IFITM1: variants seen among roughly 807,000 people sequenced by gnomAD.
The protein encoded by IFITM1 is interferon induced transmembrane protein 1.
Under a neutral mutation model 4.0 loss-of-function variants are expected in IFITM1, and 1 was observed. That is an observed-to-expected ratio of 0.25 (90% CI 0.09 to 1.18). The LOEUF is 1.18. Among genes scored for constraint, IFITM1 ranks in the 50% most tolerant of loss-of-function variants. The pLI, the probability that IFITM1 is intolerant of heterozygous loss-of-function variation, is 0.50. For synonymous variants in IFITM1, 79 were observed against 69.7 expected (o/e 1.13, Z -0.67); for missense variants, 131 against 163.2 (o/e 0.80, Z 1.08).
chr11:314,138 T>C lies in IFITM1; in HGVS notation c.-33T>C. 6.2e-7 allele frequency: 1 copy of C among 1,607,204 alleles called. No individual in the cohort carries two copies. Among genetic ancestry groups the C allele is most frequent in the Non-Finnish European group, 8.5e-7 (1 of 1,174,362 alleles). On this transcript the variant is annotated 5_prime_UTR_variant, in exon 1 of 2. Coordinates refer to ENST00000408968, the MANE Select transcript of IFITM1 (RefSeq NM_003641.5). The surrounding 1 kb of genome is among the most constrained non-coding windows in gnomAD (Gnocchi z 4.5). ...CGCAGAAAACCACACTTCTCAAACC[T>C]TCACTCAACACTTCCTTCCCCAAAG...
In IFITM1 at chr11:314,249, A is replaced by T; in HGVS notation, c.79A>T (p.Ile27Phe). Residue 27 changes from isoleucine (I) to phenylalanine (F), a missense_variant, in exon 1 of 2, where the codon ATC (isoleucine) becomes TTC (phenylalanine). Physicochemically the swap from Ile to Phe is conservative, Grantham distance 21. Transcript: ENST00000408968. The surrounding 1 kb of genome is among the most constrained non-coding windows in gnomAD (Gnocchi z 4.5). Reference sequence around the variant, plus strand: ...CCTTCCAAGGTCCACCGTGATCAACATCCACAGCGAGACCTCCGTGCCCGA... The same window carrying T: ...CCTTCCAAGGTCCACCGTGATCAACTTCCACAGCGAGACCTCCGTGCCCGA... ...TILPRSTVIN[I>F]HSETSVPDHV... 1.2e-6 allele frequency: 2 copies of T among 1,613,916 alleles called. No homozygotes were observed. Among genetic ancestry groups the T allele is most frequent in the Non-Finnish European group, 1.7e-6 (2 of 1,179,874 alleles).
At position 315,118 on chromosome 11, in the gene IFITM1, C is replaced by T. The variant is rs371250842; in HGVS notation, c.*5C>T. ...CAGGAAAAACGGGGTTACTAGTAGC[C>T]GCCCATAGCCTGCAACCTTTGCACT... On this transcript the variant is annotated 3_prime_UTR_variant, in exon 2 of 2. Transcript: ENST00000408968. 89 of 1,613,544 alleles carry T rather than the reference C, an allele frequency of 5.5e-5. No homozygotes were observed. Among genetic ancestry groups the T allele is most frequent in the South Asian group, 3.6e-4 (33 of 91,048 alleles).
At position 314,807 on chromosome 11, in the gene IFITM1, C is replaced by A. The variant is rs529790951; in HGVS notation, c.187-115C>A. On this transcript the variant is annotated intron_variant, in intron 1 of 1. Transcript: ENST00000408968. This position sits in a 1 kb window ranked among gnomAD's most constrained non-coding sequence, Gnocchi z 4.5. ...CCGAGGCTCCTGGAGAGTCTGAGCC[C>A]GGGTGAGGAAGGGGAGGAGGTGGTC... 107 of 1,481,496 alleles carry A rather than the reference C, an allele frequency of 7.2e-5. 1 individual carries two copies. In the Middle Eastern group the frequency reaches 1.9e-3, roughly 27 times the overall value. 91.8% of individuals were successfully genotyped at this position (1,481,496 alleles called of 1,614,324 possible).
rs147052306 is a variant in IFITM1 at position 314,607 on chromosome 11, T to C, written c.186+251T>C. On this transcript the variant is annotated intron_variant, in intron 1 of 1. Transcript: ENST00000408968. The surrounding 1 kb of genome is among the most constrained non-coding windows in gnomAD (Gnocchi z 4.5). ...GGCTGGCTGGCTCAGAGTCTGTCCC[T>C]GGCTATCCATTAGCCCAGAGCAATT... 0.014 allele frequency among the ~76,000 whole-genome samples: 2,072 copies of C among 152,320 alleles called. 51 individuals are homozygous for C. Among genetic ancestry groups the C allele is most frequent in the African/African-American group, 0.047 (1,945 of 41,568 alleles).
Position 314,093 on chromosome 11 carries a change from C to T in IFITM1, c.-78C>T. On this transcript the variant is annotated 5_prime_UTR_variant, in exon 1 of 2. Coordinates refer to ENST00000408968, the MANE Select transcript of IFITM1 (RefSeq NM_003641.5). This position sits in a 1 kb window ranked among gnomAD's most constrained non-coding sequence, Gnocchi z 4.5. Reference sequence around the variant, plus strand: ...GAGCACCGTCCCAGCATCCGGACACCACAGCGGCCCTTCGCTCCACGCAGA... The same window carrying T: ...GAGCACCGTCCCAGCATCCGGACACTACAGCGGCCCTTCGCTCCACGCAGA... The T allele has an allele frequency of 7.5e-7, 1 of 1,327,144 alleles. No individual in the cohort carries two copies. 82.2% of individuals were successfully genotyped at this position (1,327,144 alleles called of 1,614,324 possible).
chr11:314,453 G>T lies in IFITM1; in HGVS notation c.186+97G>T. 7.2e-7 allele frequency: 1 copy of T among 1,393,254 alleles called. No homozygotes were observed. The highest frequency in any genetic ancestry group is 1.0e-6 in the Non-Finnish European group (1 of 986,976). The allele number at this position is 1,393,254 out of a possible 1,614,324, so 86.3% of individuals were successfully genotyped here. ...GGGGTGGGGACTTGTGTGTCCCTGT[G>T]ACTGTGAGTTTGTGTGCACCTCTGC... On this transcript the variant is annotated intron_variant, in intron 1 of 1. Coordinates refer to ENST00000408968, the MANE Select transcript of IFITM1 (RefSeq NM_003641.5). This position sits in a 1 kb window ranked among gnomAD's most constrained non-coding sequence, Gnocchi z 4.5.
chr11:314,082 C>A lies in IFITM1; in HGVS notation c.-89C>A. On this transcript the variant is annotated 5_prime_UTR_variant, in exon 1 of 2. Coordinates refer to ENST00000408968, the MANE Select transcript of IFITM1 (RefSeq NM_003641.5). This position sits in a 1 kb window ranked among gnomAD's most constrained non-coding sequence, Gnocchi z 4.5. Reference sequence around the variant, plus strand: ...GAGGTCTCACTGAGCACCGTCCCAGCATCCGGACACCACAGCGGCCCTTCG... The same window carrying A: ...GAGGTCTCACTGAGCACCGTCCCAGAATCCGGACACCACAGCGGCCCTTCG... 1 of 1,135,932 alleles carries A rather than the reference C, an allele frequency of 8.8e-7. No individual in the cohort carries two copies. Among genetic ancestry groups the A allele is most frequent in the Non-Finnish European group, 1.3e-6 (1 of 759,466 alleles). The allele number at this position is 1,135,932 out of a possible 1,614,324, so 70.4% of individuals were successfully genotyped here.
rs1228798576 is a variant in IFITM1, at chr11:314,682, C to G, written c.187-240C>G. Among the ~76,000 whole-genome samples, 1 of 152,304 alleles carries G rather than the reference C, an allele frequency of 6.6e-6. No homozygotes were observed. Among genetic ancestry groups the G allele is most frequent in the African/African-American group, 2.4e-5 (1 of 41,568 alleles). ...ACACCCTCACCTTCCAGACTGGCAC[C>G]CAGGCTCTCCCAGAAAGTGAGAAGG... On this transcript the variant is annotated intron_variant, in intron 1 of 1. Transcript: ENST00000408968. The surrounding 1 kb of genome is among the most constrained non-coding windows in gnomAD (Gnocchi z 4.5).
Position 314,857 on chromosome 11 carries a change from C to T in IFITM1, c.187-65C>T, listed in dbSNP as rs1013753204. On this transcript the variant is annotated intron_variant, in intron 1 of 1. Coordinates refer to ENST00000408968, the MANE Select transcript of IFITM1 (RefSeq NM_003641.5). This position sits in a 1 kb window ranked among gnomAD's most constrained non-coding sequence, Gnocchi z 4.5. ...CCCTGATCTCAGGGCGGGGAGGAGA[C>T]GGAGCCATAGCACGCGGCTCTCAGC... 6.1e-5 allele frequency: 98 copies of T among 1,602,874 alleles called. No homozygotes were observed. The highest frequency in any genetic ancestry group is 5.9e-4 in the Admixed American group (35 of 59,166).
At position 314,075 on chromosome 11, in the gene IFITM1, G is replaced by C. The variant is rs953155211; in HGVS notation, c.-96G>C. On this transcript the variant is annotated 5_prime_UTR_variant, in exon 1 of 2. Transcript: ENST00000408968. This position sits in a 1 kb window ranked among gnomAD's most constrained non-coding sequence, Gnocchi z 4.5. ...GGGAAAGGAGGTCTCACTGAGCACC[G>C]TCCCAGCATCCGGACACCACAGCGG... 6.6e-6 allele frequency: 7 copies of C among 1,053,082 alleles called. No homozygotes were observed. The highest frequency in any genetic ancestry group is 4.1e-5 in the South Asian group (3 of 73,252). The allele number at this position is 1,053,082 out of a possible 1,614,324, so 65.2% of individuals were successfully genotyped here. A position where few individuals can be genotyped will look rare whatever the true frequency, so the allele number is the denominator to read the frequency against.
rs1261332030 is a variant in IFITM1, at chr11:315,135, C to A, written c.*22C>A. 2.5e-6 allele frequency: 4 copies of A among 1,611,110 alleles called. No homozygotes were observed. Among genetic ancestry groups the A allele is most frequent in the South Asian group, 2.2e-5 (2 of 90,828 alleles). On this transcript the variant is annotated 3_prime_UTR_variant, in exon 2 of 2. Transcript: ENST00000408968. Reference sequence around the variant, plus strand: ...CTAGTAGCCGCCCATAGCCTGCAACCTTTGCACTCCACTGTGCAATGCTGG... The same window carrying A: ...CTAGTAGCCGCCCATAGCCTGCAACATTTGCACTCCACTGTGCAATGCTGG...
In IFITM1 at chr11:315,104, GGGTTAC is replaced by G. The variant is rs1564850314; in HGVS notation, c.370_375del (p.Gly124_Tyr125del). On this transcript the variant is annotated inframe_deletion, in exon 2 of 2. Transcript: ENST00000408968. ...TGTTACAGATAATACAGGAAAAACG[GGGTTAC>G]TAGTAGCCGCCCATAGCCTGCAACC... 1 of 1,614,008 alleles carries G rather than the reference GGGTTAC, an allele frequency of 6.2e-7. No individual in the cohort carries two copies. Among genetic ancestry groups the G allele is most frequent in the East Asian group, 2.2e-5 (1 of 44,886 alleles).
chr11:314,373 C>A lies in IFITM1; in HGVS notation c.186+17C>A, dbSNP rs766782663. On this transcript the variant is annotated intron_variant, in intron 1 of 1. Transcript: ENST00000408968. This position sits in a 1 kb window ranked among gnomAD's most constrained non-coding sequence, Gnocchi z 4.5. ...TCCGTGAAGGTGCGTATGGCCCTGG[C>A]GGAAATCCAGGGGGTGCCGGTGAGC... 3 of 1,612,876 alleles carry A rather than the reference C, an allele frequency of 1.9e-6. No homozygotes were observed. The highest frequency in any genetic ancestry group is 2.5e-6 in the Non-Finnish European group (3 of 1,179,106).
At position 314,185 on chromosome 11, in the gene IFITM1, A is replaced by T; in HGVS notation, c.15A>T (p.Glu5Asp). ...AAAGCCAGAAGATGCACAAGGAGGA[A>T]CATGAGGTGGCTGTGCTGGGGCCAC... MHKE[E>D]HEVAVLGPPP... Residue 5 changes from glutamate (E) to aspartate (D), a missense_variant, in exon 1 of 2, where the codon GAA (glutamate) becomes GAT (aspartate). Physicochemically the swap from Glu to Asp is conservative, Grantham distance 45. Transcript: ENST00000408968. The surrounding 1 kb of genome is among the most constrained non-coding windows in gnomAD (Gnocchi z 4.5). 6.2e-7 allele frequency: 1 copy of T among 1,613,898 alleles called. No homozygotes were observed. Among genetic ancestry groups the T allele is most frequent in the Non-Finnish European group, 8.5e-7 (1 of 1,179,836 alleles).
rs1202464705 is a variant in IFITM1, at chr11:314,699, G to A, written c.187-223G>A. Among the ~76,000 whole-genome samples, 2 of 152,204 alleles carry A rather than the reference G, an allele frequency of 1.3e-5. No homozygotes were observed. Among genetic ancestry groups the A allele is most frequent in the African/African-American group, 2.4e-5 (1 of 41,468 alleles). Reference sequence around the variant, plus strand: ...ACTGGCACCCAGGCTCTCCCAGAAAGTGAGAAGGGAACTCACAGGTGACTT... The same window carrying A: ...ACTGGCACCCAGGCTCTCCCAGAAAATGAGAAGGGAACTCACAGGTGACTT... On this transcript the variant is annotated intron_variant, in intron 1 of 1. Coordinates refer to ENST00000408968, the MANE Select transcript of IFITM1 (RefSeq NM_003641.5). This position sits in a 1 kb window ranked among gnomAD's most constrained non-coding sequence, Gnocchi z 4.5.
Position 314,652 on chromosome 11 carries a change from A to G in IFITM1, c.187-270A>G, listed in dbSNP as rs543825536. On this transcript the variant is annotated intron_variant, in intron 1 of 1. Coordinates refer to ENST00000408968, the MANE Select transcript of IFITM1 (RefSeq NM_003641.5). The surrounding 1 kb of genome is among the most constrained non-coding windows in gnomAD (Gnocchi z 4.5). ...GCAATTCTCCCTATAGCCCAGTAAGAAATTACACCCTCACCTTCCAGACTG... is the reference window on the plus strand; with the variant it reads ...GCAATTCTCCCTATAGCCCAGTAAGGAATTACACCCTCACCTTCCAGACTG... Among the ~76,000 whole-genome samples the G allele has an allele frequency of 3.3e-5, 5 of 152,290 alleles. No homozygotes were observed. In the South Asian group the frequency reaches 1.0e-3, roughly 32 times the overall value.
rs1846029557 is a variant in IFITM1 at position 314,052 on chromosome 11, G to T, written c.-119G>T. 2 of 761,428 alleles carry T rather than the reference G, an allele frequency of 2.6e-6. No homozygotes were observed. The highest frequency in any genetic ancestry group is 4.8e-5 in the Admixed American group (2 of 42,020). The allele number at this position is 761,428 out of a possible 1,614,324, so 47.2% of individuals were successfully genotyped here. Reference sequence around the variant, plus strand: ...CTTCTGAGAAACTGAAACGACAGGGGAAAGGAGGTCTCACTGAGCACCGTC... The same window carrying T: ...CTTCTGAGAAACTGAAACGACAGGGTAAAGGAGGTCTCACTGAGCACCGTC... On this transcript the variant is annotated 5_prime_UTR_variant, in exon 1 of 2. Coordinates refer to ENST00000408968, the MANE Select transcript of IFITM1 (RefSeq NM_003641.5). This position sits in a 1 kb window ranked among gnomAD's most constrained non-coding sequence, Gnocchi z 4.5.
In IFITM1 at chr11:314,783, C is replaced by T. The variant is rs367565392; in HGVS notation, c.187-139C>T. ...GCCAAGGCAGAAGGAGGATGAGCCC[C>T]GAGGCTCCTGGAGAGTCTGAGCCCG... On this transcript the variant is annotated intron_variant, in intron 1 of 1. Coordinates refer to ENST00000408968, the MANE Select transcript of IFITM1 (RefSeq NM_003641.5). This position sits in a 1 kb window ranked among gnomAD's most constrained non-coding sequence, Gnocchi z 4.5. 34 of 1,137,238 alleles carry T rather than the reference C, an allele frequency of 3.0e-5. No homozygotes were observed. The East Asian group carries it at 3.1e-4, about 10-fold the overall frequency. 70.4% of individuals were successfully genotyped at this position (1,137,238 alleles called of 1,614,324 possible).
rs372302185 is a variant in IFITM1, at chr11:314,281, C to T, written c.111C>T (p.Val37=). 14 of 1,613,834 alleles carry T rather than the reference C, an allele frequency of 8.7e-6. No homozygotes were observed. Among genetic ancestry groups the T allele is most frequent in the South Asian group, 7.7e-5 (7 of 91,086 alleles). The part of the protein sequence containing the change: ...IHSETSVPDH[V]VWSLFNTLFL... ...GCGAGACCTCCGTGCCCGACCATGTCGTCTGGTCCCTGTTCAACACCCTCT... is the reference window on the plus strand; with the variant it reads ...GCGAGACCTCCGTGCCCGACCATGTTGTCTGGTCCCTGTTCAACACCCTCT... Residue 37 remains valine, a synonymous_variant, in exon 1 of 2, where the codon GTC becomes GTT. Coordinates refer to ENST00000408968, the MANE Select transcript of IFITM1 (RefSeq NM_003641.5). The surrounding 1 kb of genome is among the most constrained non-coding windows in gnomAD (Gnocchi z 4.5).
Sources: gnomAD v4.1 joint callset for allele counts (sites outside exome capture counted in the v4.1 genomes callset) on GRCh38, gnomAD v4.1.1 for gene constraint, Gnocchi (gnomAD v3.1) non-coding constraint, MANE v1.5 for transcripts, NCBI Gene and HGNC (gene_info 2026-07-23, HGNC 2026-07-21) for gene names.